CBFA2T2: variants seen among roughly 807,000 people sequenced by gnomAD.
The protein encoded by CBFA2T2 is protein CBFA2T2.
Under a neutral mutation model 62.2 loss-of-function variants are expected in CBFA2T2, and 11 were observed. That is an observed-to-expected ratio of 0.18 (90% CI 0.11 to 0.29). The LOEUF (loss-of-function observed/expected upper bound fraction) is 0.29. Ranked by LOEUF, CBFA2T2 falls within the 10% of genes least tolerant of loss-of-function variation. CBFA2T2 has a pLI of 1.00. For synonymous variants in CBFA2T2, 295 were observed against 287.5 expected, an observed-to-expected ratio of 1.03 and a Z score of -0.27; for missense variants, 592 against 774.1, an observed-to-expected ratio of 0.76 and a Z score of 2.79.
intron 1 of CBFA2T2, among the ~76,000 whole-genome samples, chr20:33,508,041 G>A (rs1246726829): frequency 6.6e-6 from 1 of 152,104 alleles, no homozygotes; most frequent in African/African-American, 2.4e-5. Flanking sequence ...GAAGTGCTGG[G>A]TAAAGAATAG....
chr20:33,550,627 A>T (rs1359211202), intron 1 of CBFA2T2, among the ~76,000 whole-genome samples: 1 of 151,854 alleles, frequency 6.6e-6, no homozygotes, highest in African/African-American at 2.4e-5. Flanking sequence ...TTATTTATTT[A>T]TTTATTTATG....
chr20:33,623,677 C>T (rs1006487372), intron 5 of CBFA2T2: 9 of 645,760 alleles, frequency 1.4e-5, no homozygotes, highest in African/African-American at 7.3e-5. Flanking sequence ...CCGCCTCAAC[C>T]TCCCAAAGTG....
At chr20:33,611,047 C>G in intron 2 of CBFA2T2, 47 bp from the exon 3 acceptor site, 1 of 1,600,096 alleles carries the variant, frequency 6.2e-7, no homozygotes, top group Non-Finnish European at 8.5e-7. Flanking sequence ...ACAAAGGTTC[C>G]CTTGTTTTAC....
At chr20:33,633,714 G>A (rs1271441136) in intron 8 of CBFA2T2, among the ~76,000 whole-genome samples, 1 of 152,132 alleles carries the variant, frequency 6.6e-6, no homozygotes, top group Admixed American at 6.5e-5. Flanking sequence ...CTGTGTGGGT[G>A]GAGGGTGCAG....
intron 1 of CBFA2T2, among the ~76,000 whole-genome samples, chr20:33,577,086 G>T (rs2013866871): frequency 6.6e-6 from 1 of 152,166 alleles, no homozygotes; most frequent in Non-Finnish European, 1.5e-5. Context: ...AGCTGATTTT[G>T]TTCTGCCTCC....
chr20:33,557,898 C>A (rs778565209), intron 1 of CBFA2T2, among the ~76,000 whole-genome samples: 1 of 151,828 alleles, frequency 6.6e-6, no homozygotes, highest in Admixed American at 6.6e-5. Context: ...TGCAGTGGCG[C>A]GATCTCGGCT....
chr20:33,583,054 G>A (rs17124793), intron 1 of CBFA2T2, among the ~76,000 whole-genome samples: 12,327 of 151,434 alleles, frequency 0.081, 1,311 homozygotes, highest in African/African-American at 0.23. Context: ...TTTTATTTTC[G>A]TGAGTATACA....
chr20:33,512,107 G>C (rs1440108018), intron 1 of CBFA2T2, among the ~76,000 whole-genome samples: 1 of 151,714 alleles, frequency 6.6e-6, no homozygotes, highest in Non-Finnish European at 1.5e-5. Flanking sequence ...AACCCGGGAG[G>C]GGGAGGTTGC....
At chr20:33,579,117 T>G (rs1279947359) in intron 1 of CBFA2T2, among the ~76,000 whole-genome samples, 7 of 147,648 alleles carry the variant, frequency 4.7e-5, no homozygotes, top group Non-Finnish European at 1.1e-4. Context: ...TTTTTTTTGT[T>G]TTTTTTTTTT....
At chr20:33,608,850 T>C (rs1470376448) in intron 2 of CBFA2T2, among the ~76,000 whole-genome samples, 1 of 152,218 alleles carries the variant, frequency 6.6e-6, no homozygotes, top group African/African-American at 2.4e-5. Context: ...TTTTTATTGG[T>C]TCCTTCAAAA....
In CBFA2T2 at chr20:33,630,117, T is replaced by G. The variant is rs575233954; in HGVS notation, c.1228+203T>G. Among the ~76,000 whole-genome samples the G allele has an allele frequency of 3.6e-4, 55 of 151,802 alleles. 1 individual carries two copies. The highest frequency in any genetic ancestry group is 3.4e-3 in the Middle Eastern group (1 of 294). On this transcript the variant is annotated intron_variant, in intron 8 of 10. Coordinates refer to ENST00000342704, the MANE Select transcript of CBFA2T2 (RefSeq NM_001032999.3). ...TTTGGTGGGTGGCGCAGGAAGGGGGTTTTTTTGTTTTGGATAGACAGGATC... is the reference window on the plus strand; with the variant it reads ...TTTGGTGGGTGGCGCAGGAAGGGGGGTTTTTTGTTTTGGATAGACAGGATC...
chr20:33,510,789 C>T (rs2146854227), intron 1 of CBFA2T2, among the ~76,000 whole-genome samples: 1 of 152,294 alleles, frequency 6.6e-6, no homozygotes, highest in African/African-American at 2.4e-5. Context: ...ACATCCTCTC[C>T]AGCATCTGTT....
intron 1 of CBFA2T2, among the ~76,000 whole-genome samples, chr20:33,526,405 G>A (rs768004874): frequency 2.0e-4 from 30 of 152,160 alleles, no homozygotes; most frequent in Admixed American, 4.6e-4. Flanking sequence ...TAGGAGCAAA[G>A]GTTCAGGATT....
intron 1 of CBFA2T2, among the ~76,000 whole-genome samples, chr20:33,536,878 C>T (rs1402948813): frequency 5.3e-5 from 8 of 150,412 alleles, no homozygotes; most frequent in Admixed American, 1.3e-4. Flanking sequence ...CTCCTCACTT[C>T]CTAGACGGGA....
chr20:33,592,017 A>G (rs1231596895), intron 1 of CBFA2T2, among the ~76,000 whole-genome samples: 2 of 152,144 alleles, frequency 1.3e-5, no homozygotes, highest in Non-Finnish European at 2.9e-5. Flanking sequence ...TGCCTAGGGC[A>G]CAGCAAACAA....
chr20:33,490,438 G>T (rs1262891423), intron 1 of CBFA2T2, 137 bp downstream of exon 1: 2 of 929,450 alleles, frequency 2.2e-6, no homozygotes, highest in Non-Finnish European at 2.8e-6. Context: ...CGGATCCAAG[G>T]TCACGCAGCG....
At position 33,648,708 on chromosome 20, in the gene CBFA2T2, A is replaced by G. The variant is rs1452589098; in HGVS notation, c.*4062A>G. 1 of 152,200 alleles carries G rather than the reference A, an allele frequency of 6.6e-6. No individual in the cohort carries two copies. Among genetic ancestry groups the G allele is most frequent in the Non-Finnish European group, 1.5e-5 (1 of 68,056 alleles). 9.4% of individuals were successfully genotyped at this position (152,200 alleles called of 1,614,324 possible). A position where few individuals can be genotyped will look rare whatever the true frequency, so the allele number is the denominator to read the frequency against. On this transcript the variant is annotated 3_prime_UTR_variant, in exon 11 of 11. Coordinates refer to ENST00000342704, the MANE Select transcript of CBFA2T2 (RefSeq NM_001032999.3). ...TGGAAACAGGACACATCTTGCCACC[A>G]CAAGTCCACACCTGGCCTTGGCTGC... is the stretch of plus-strand genomic sequence containing the variant.
chr20:33,649,682 ATGAT>A lies in CBFA2T2; in HGVS notation c.*5040_*5043del, dbSNP rs567861093. The A allele has an allele frequency of 2.6e-5, 4 of 152,436 alleles. No individual in the cohort carries two copies. The South Asian group carries it at 8.3e-4, about 32-fold the overall frequency. 9.4% of individuals were successfully genotyped at this position (152,436 alleles called of 1,614,324 possible). ...AGAAGCAGCAATAAGCATTAGGCGAATGATTGAAAGGGCTGCTGCGCCAAGAGGC... is the reference window on the plus strand; with the variant it reads ...AGAAGCAGCAATAAGCATTAGGCGAATGAAAGGGCTGCTGCGCCAAGAGGC... On this transcript the variant is annotated 3_prime_UTR_variant, in exon 11 of 11. Transcript: ENST00000342704.
chr20:33,608,556 G>A (rs1005810594), intron 2 of CBFA2T2, among the ~76,000 whole-genome samples: 1 of 152,166 alleles, frequency 6.6e-6, no homozygotes, highest in Non-Finnish European at 1.5e-5. Context: ...AAAGAAGTGT[G>A]ATATCCCTTT....
Sources: gnomAD v4.1 joint callset for allele counts (sites outside exome capture counted in the v4.1 genomes callset) on GRCh38, gnomAD v4.1.1 for gene constraint, MANE v1.5 for transcripts, NCBI Gene and HGNC (gene_info 2026-07-23, HGNC 2026-07-21) for gene names.